Variants in KATNAL2 observed in about 807,000 individuals in gnomAD.
The protein encoded by KATNAL2 is katanin catalytic subunit A1 like 2, also known as katanin p60 ATPase-containing subunit A-like 2.
Under a neutral mutation model 76.3 loss-of-function variants are expected in KATNAL2, and 52 were observed. The observed-to-expected ratio is 0.68, with a 90% confidence interval of 0.55 to 0.86. KATNAL2 has a LOEUF of 0.86. Ranked by LOEUF, KATNAL2 falls within the 40% of genes least tolerant of loss-of-function variation. KATNAL2 has a pLI of 0.00. For synonymous variants in KATNAL2, 243 were observed against 244.2 expected, an observed-to-expected ratio of 1.00 and a Z score of 0.05; for missense variants, 660 against 668.9, an observed-to-expected ratio of 0.99 and a Z score of 0.15.
intron 9 of KATNAL2, 80 bp downstream of exon 9, chr18:47,063,150 T>A: frequency 1.4e-6 from 2 of 1,473,482 alleles, no homozygotes; most frequent in Non-Finnish European, 9.5e-7. Flanking sequence ...TTGAGTACAG[T>A]GAAACCTTGA....
At chr18:47,074,503 A>G (rs1599768145) in intron 13 of KATNAL2, among the ~76,000 whole-genome samples, 1 of 152,186 alleles carries the variant, frequency 6.6e-6, no homozygotes, top group Non-Finnish European at 1.5e-5. Context: ...GAAGGATTGT[A>G]TATGATGCTC....
In KATNAL2 at chr18:47,059,798, G is replaced by A. The variant is rs979693370; in HGVS notation, c.549+144G>A. On this transcript the variant is annotated intron_variant, in intron 8 of 17. Coordinates refer to ENST00000683218, the MANE Select transcript of KATNAL2 (RefSeq NM_001387690.1). ...GGCTGTGAGGTAAATGGAGAAGAGC[G>A]TCAGAAAATGGGTTCTTCTTTGGAA... 26 of 610,396 alleles carry A rather than the reference G, an allele frequency of 4.3e-5. 1 individual carries two copies. Among genetic ancestry groups the A allele is most frequent in the South Asian group, 2.9e-4 (15 of 51,054 alleles). 37.8% of individuals were successfully genotyped at this position (610,396 alleles called of 1,614,324 possible).
chr18:47,057,543 C>T (rs1161678415), intron 6 of KATNAL2, among the ~76,000 whole-genome samples: 3 of 152,200 alleles, frequency 2.0e-5, no homozygotes, highest in Non-Finnish European at 1.5e-5. Flanking sequence ...ACCTTTGCCC[C>T]TTCTCAGTCA....
At position 47,035,262 on chromosome 18, in the gene KATNAL2, C is replaced by A. The variant is rs762298809; in HGVS notation, c.52-11195C>A. On this transcript the variant is annotated intron_variant, in intron 3 of 17. Coordinates refer to ENST00000683218, the MANE Select transcript of KATNAL2 (RefSeq NM_001387690.1). ...CGTGCAGCGTAGTGGACCCTGCCGC[C>A]ATCTCACCAGAGCTGTGCAGGCGTC... The A allele has an allele frequency of 1.9e-6, 3 of 1,612,750 alleles. No homozygotes were observed. In the East Asian group the frequency reaches 6.7e-5, roughly 36 times the overall value.
intron 15 of KATNAL2, among the ~76,000 whole-genome samples, chr18:47,079,693 G>A (rs780658810): frequency 2.0e-5 from 3 of 151,470 alleles, no homozygotes; most frequent in Non-Finnish European, 4.4e-5. Context: ...TTGACTTATT[G>A]CCTGCCAGAG....
intron 15 of KATNAL2, among the ~76,000 whole-genome samples, chr18:47,088,068 C>T (rs1021264396): frequency 2.0e-5 from 3 of 152,124 alleles, no homozygotes; most frequent in Admixed American, 2.0e-4. Flanking sequence ...GGCAGTTCTT[C>T]GTTCAGTGTT....
intron 3 of KATNAL2, among the ~76,000 whole-genome samples, chr18:46,954,863 G>A (rs1243037604): frequency 5.9e-5 from 9 of 151,954 alleles, no homozygotes; most frequent in Admixed American, 5.9e-4. Context: ...ATGTTGACCA[G>A]GCTGGTCTTG....
At chr18:47,070,594 G>T (rs2061964964) in intron 13 of KATNAL2, among the ~76,000 whole-genome samples, 2 of 152,118 alleles carry the variant, frequency 1.3e-5, no homozygotes, top group Admixed American at 6.5e-5. Flanking sequence ...TGGCAGATAT[G>T]TAATCAATAT....
chr18:47,038,237 G>C (rs1213266525), intron 3 of KATNAL2, among the ~76,000 whole-genome samples: 1 of 152,158 alleles, frequency 6.6e-6, no homozygotes, highest in African/African-American at 2.4e-5. Context: ...TTAAGAATTA[G>C]ACCTCTGTCT....
intron 3 of KATNAL2, among the ~76,000 whole-genome samples, chr18:46,950,525 A>C (rs1012733611): frequency 6.6e-6 from 1 of 152,204 alleles, no homozygotes; most frequent in African/African-American, 2.4e-5. Context: ...TTTAATTTTT[A>C]ACAAAGTAAT....
intron 1 of KATNAL2, among the ~76,000 whole-genome samples, chr18:46,931,139 T>TAAA (rs1555824546): frequency 0.015 from 1,882 of 122,784 alleles, 32 homozygotes; most frequent in African/African-American, 0.043. Flanking sequence ...ATAATAATAA[T>TAAA]AAATAAATAA....
chr18:47,092,633 A>G (rs759846573), intron 15 of KATNAL2, among the ~76,000 whole-genome samples: 4 of 152,064 alleles, frequency 2.6e-5, no homozygotes, highest in African/African-American at 9.7e-5. Context: ...CAGGCATTCT[A>G]TGAGTTTCAT....
At chr18:47,059,381 G>A (rs1461541442) in intron 7 of KATNAL2, among the ~76,000 whole-genome samples, 175 bp from the exon 8 acceptor site, 1 of 152,232 alleles carries the variant, frequency 6.6e-6, no homozygotes, top group Non-Finnish European at 1.5e-5. Context: ...CATAGTGCAG[G>A]CAGACAGCTA....
At chr18:47,032,858 C>A in intron 3 of KATNAL2, 1 of 1,505,700 alleles carries the variant, frequency 6.6e-7, no homozygotes, top group East Asian at 2.3e-5. Flanking sequence ...ACAGGGCCAG[C>A]ACATGACACC....
At chr18:46,925,092 T>G (rs1277361507) in intron 1 of KATNAL2, among the ~76,000 whole-genome samples, 3 of 152,174 alleles carry the variant, frequency 2.0e-5, no homozygotes, top group Non-Finnish European at 4.4e-5. Flanking sequence ...CCTGCCTGAT[T>G]GCCCTGGCCA....
chr18:46,938,099 T>TA (rs1027753635), intron 1 of KATNAL2, among the ~76,000 whole-genome samples: 44 of 149,994 alleles, frequency 2.9e-4, no homozygotes, highest in East Asian at 5.8e-4. Context: ...CTCAAAAAAT[T>TA]AAAAAAAAAT....
chr18:47,036,554 A>G (rs2060782427), intron 3 of KATNAL2, among the ~76,000 whole-genome samples: 1 of 152,192 alleles, frequency 6.6e-6, no homozygotes, highest in South Asian at 2.1e-4. Context: ...CCCCGCTTAC[A>G]AATCTTGGAA....
At chr18:47,076,838 C>G (rs996012928) in intron 14 of KATNAL2, among the ~76,000 whole-genome samples, 1 of 148,222 alleles carries the variant, frequency 6.7e-6, no homozygotes, top group Non-Finnish European at 1.5e-5. Context: ...TAGAGAGAGA[C>G]GGTCTTCTCT....
chr18:47,035,493 A>G, intron 3 of KATNAL2: 1 of 878,704 alleles, frequency 1.1e-6, no homozygotes, highest in Non-Finnish European at 1.7e-6. Context: ...GTTCCTCGGG[A>G]TGTGGAGCCA....
Sources: allele counts gnomAD v4.1 joint callset (sites outside exome capture counted in the v4.1 genomes callset), GRCh38; gene constraint gnomAD v4.1.1; transcripts MANE v1.5; gene names NCBI Gene and HGNC (gene_info 2026-07-23, HGNC 2026-07-21).